Variants in PTPRT observed in about 807,000 individuals in gnomAD.
The protein encoded by PTPRT is receptor-type tyrosine-protein phosphatase T.
Under a neutral mutation model 176.8 loss-of-function variants are expected in PTPRT, and 56 were observed. The ratio of observed to expected loss-of-function variants is 0.32; its 90% CI spans 0.26 to 0.40. The LOEUF (loss-of-function observed/expected upper bound fraction) is 0.40, where lower values mean the gene tolerates loss of function less well. PTPRT is among the 10% of genes least tolerant of loss of function. PTPRT has a pLI of 1.00. For missense variants in PTPRT, 1,540 were observed against 1,908.2 expected, an observed-to-expected ratio of 0.81 and a Z score of 3.60; for synonymous variants, 783 against 739.0, an observed-to-expected ratio of 1.06 and a Z score of -0.96.
intron 9 of PTPRT, among the ~76,000 whole-genome samples, chr20:42,372,823 T>C (rs2058604718): frequency 6.6e-6 from 1 of 152,150 alleles, no homozygotes; most frequent in Non-Finnish European, 1.5e-5. Flanking sequence ...GTTTGCCATC[T>C]ACGAGAAAGA....
At chr20:43,103,109 CCA>C (rs1223069026) in intron 1 of PTPRT, among the ~76,000 whole-genome samples, 2 of 152,076 alleles carry the variant, frequency 1.3e-5, no homozygotes, top group African/African-American at 4.8e-5. Flanking sequence ...ATCTGCCAAA[CCA>C]CACACCCCAA....
chr20:42,720,404 G>A (rs1437681477), intron 6 of PTPRT, among the ~76,000 whole-genome samples: 1 of 152,226 alleles, frequency 6.6e-6, no homozygotes, highest in Admixed American at 6.5e-5. Flanking sequence ...ATATAAGCAA[G>A]TGATTGCAAG....
intron 18 of PTPRT, among the ~76,000 whole-genome samples, chr20:42,133,061 T>A (rs1234812133): frequency 1.3e-5 from 2 of 152,222 alleles, no homozygotes; most frequent in Non-Finnish European, 2.9e-5. Context: ...TGAGTACACA[T>A]ATAAACGTTC....
chr20:42,853,297 C>T (rs1369726438), intron 2 of PTPRT, among the ~76,000 whole-genome samples: 1 of 152,122 alleles, frequency 6.6e-6, no homozygotes, highest in Non-Finnish European at 1.5e-5. Flanking sequence ...TAAGAGGAGA[C>T]TTATGGAAAT....
rs543396380 is a variant in PTPRT, at chr20:43,101,331, G to A, written c.88+88315C>T. ...GCTCTTGATCACTTTTAGCTCACAC[G>A]CTGGGAATCAGCATAGTATTATGGG... On this transcript the variant is annotated intron_variant, in intron 1 of 30. Coordinates refer to ENST00000373187, the MANE Select transcript of PTPRT (RefSeq NM_007050.6). Among the ~76,000 whole-genome samples, 83 of 152,186 alleles carry A rather than the reference G, an allele frequency of 5.5e-4. 1 individual carries two copies. The South Asian group carries it at 0.013, about 23-fold the overall frequency.
intron 11 of PTPRT, among the ~76,000 whole-genome samples, chr20:42,349,955 G>A (rs2058251956): frequency 6.6e-6 from 1 of 152,166 alleles, no homozygotes; most frequent in East Asian, 1.9e-4. Context: ...GACAGCAAGT[G>A]CCCCTATGGG....
chr20:42,177,912 T>C (rs892071220), intron 16 of PTPRT, among the ~76,000 whole-genome samples: 4 of 150,304 alleles, frequency 2.7e-5, no homozygotes, highest in Admixed American at 6.6e-5. Context: ...CTCTCTCTCT[T>C]TCTCTCTCCT....
At chr20:42,320,511 A>G (rs1342894816) in intron 11 of PTPRT, among the ~76,000 whole-genome samples, 6 of 152,166 alleles carry the variant, frequency 3.9e-5, no homozygotes, top group East Asian at 3.9e-4. Context: ...AGATTGCCCA[A>G]CTTCAGAAAG....
intron 12 of PTPRT, among the ~76,000 whole-genome samples, chr20:42,315,341 ATAT>A (rs569012024): frequency 5.3e-5 from 8 of 152,136 alleles, no homozygotes; most frequent in Non-Finnish European, 1.2e-4. Flanking sequence ...AAATTGATAG[ATAT>A]TATTATTATA....
chr20:42,479,877 T>G (rs553042145), intron 7 of PTPRT, among the ~76,000 whole-genome samples: 1 of 152,220 alleles, frequency 6.6e-6, no homozygotes. Context: ...ATCATAGATA[T>G]CTTATAAATA....
chr20:42,922,030 G>A (rs1979178400), intron 1 of PTPRT, among the ~76,000 whole-genome samples: 1 of 152,126 alleles, frequency 6.6e-6, no homozygotes, highest in Admixed American at 6.5e-5. Flanking sequence ...CTGCCTCCCG[G>A]GTTCAAGCAA....
downstream of PTPRT, among the ~76,000 whole-genome samples, chr20:42,071,945 A>C (rs570947515): frequency 1.3e-5 from 2 of 152,354 alleles, no homozygotes; most frequent in African/African-American, 2.4e-5. Flanking sequence ...GGTGTAAGCC[A>C]CCATGCCTGG....
At chr20:42,525,797 T>A (rs2072257575) in intron 7 of PTPRT, among the ~76,000 whole-genome samples, 1 of 152,222 alleles carries the variant, frequency 6.6e-6, no homozygotes, top group South Asian at 2.1e-4. Context: ...ACGGAATCTA[T>A]CTGTTGTTGG....
At chr20:42,045,997 G>A in the PTPRT span, among the ~76,000 whole-genome samples, 1 of 152,084 alleles carries the variant, frequency 6.6e-6, no homozygotes, top group South Asian at 2.1e-4. Flanking sequence ...CTCTCCCAAG[G>A]CTATGTCTAA....
chr20:42,646,388 T>C (rs916501917), intron 7 of PTPRT, among the ~76,000 whole-genome samples: 1 of 152,128 alleles, frequency 6.6e-6, no homozygotes, highest in African/African-American at 2.4e-5. Context: ...GAATTGTCCA[T>C]GGCTGCTTTC....
intron 7 of PTPRT, among the ~76,000 whole-genome samples, chr20:42,598,197 G>T (rs1051245540): frequency 5.3e-5 from 8 of 150,708 alleles, no homozygotes; most frequent in African/African-American, 2.0e-4. Context: ...GTATTAAGAG[G>T]AAATAGCAAG....
intron 7 of PTPRT, among the ~76,000 whole-genome samples, chr20:42,570,229 T>A (rs1311987896): frequency 1.3e-5 from 2 of 152,122 alleles, no homozygotes; most frequent in Non-Finnish European, 2.9e-5. Context: ...ACAGATGCTG[T>A]ACTGAGTCAG....
intron 1 of PTPRT, among the ~76,000 whole-genome samples, chr20:42,937,459 G>A (rs920745871): frequency 1.3e-5 from 2 of 152,224 alleles, no homozygotes; most frequent in African/African-American, 2.4e-5. Context: ...CTGTAAACTT[G>A]CAGTGATGGG....
chr20:42,218,276 T>C (rs748331978), intron 15 of PTPRT, among the ~76,000 whole-genome samples: 4 of 152,188 alleles, frequency 2.6e-5, no homozygotes, highest in Non-Finnish European at 4.4e-5. Flanking sequence ...AAAATAAAAA[T>C]GTGTCTACAT....
Sources: gnomAD v4.1 joint callset for allele counts (sites outside exome capture counted in the v4.1 genomes callset) on GRCh38, gnomAD v4.1.1 for gene constraint, MANE v1.5 for transcripts, NCBI Gene and HGNC (gene_info 2026-07-23, HGNC 2026-07-21) for gene names.